The following NEK11 variants were observed in gnomAD, a reference collection of about 807,000 sequenced individuals.
The protein encoded by NEK11 is serine/threonine-protein kinase Nek11.
Under a neutral mutation model 80.7 loss-of-function variants are expected in NEK11, and 72 were observed. That is an observed-to-expected ratio of 0.89 (90% CI 0.74 to 1.08). The LOEUF is 1.08. Ranked by LOEUF, NEK11 falls within the 50% of genes least tolerant of loss-of-function variation. The pLI, the probability that NEK11 is intolerant of heterozygous loss-of-function variation, is 0.00. For missense variants in NEK11, 764 were observed against 763.6 expected, an observed-to-expected ratio of 1.00 and a Z score of -0.01; for synonymous variants, 251 against 260.7, an observed-to-expected ratio of 0.96 and a Z score of 0.36.
chr3:131,155,289 AC>A (rs2090456940), intron 10 of NEK11, among the ~76,000 whole-genome samples, 168 bp downstream of exon 10: 1 of 152,208 alleles, frequency 6.6e-6, no homozygotes, highest in Admixed American at 6.5e-5. Flanking sequence ...AAAGCCCTTT[AC>A]CCCAGGTGGT....
chr3:131,309,996 A>T (rs1421271823), intron 17 of NEK11, among the ~76,000 whole-genome samples: 2 of 107,732 alleles, frequency 1.9e-5, no homozygotes, highest in African/African-American at 1.0e-4. Flanking sequence ...TTAAAAAAAA[A>T]AAAAAAAAAA....
At position 131,205,566 on chromosome 3, in the gene NEK11, G is replaced by A. The variant is rs138859897; in HGVS notation, c.1400-22962G>A. 3.4e-3 allele frequency among the ~76,000 whole-genome samples: 523 copies of A among 152,140 alleles called. 2 individuals carry two copies. The highest frequency in any genetic ancestry group is 0.011 in the African/African-American group (476 of 41,492). On this transcript the variant is annotated intron_variant, in intron 14 of 17. Transcript: ENST00000383366. ...GCTACTCTCAAGCTGCCAGAGCTCCGTCTGTCTATACTCAGACAGCCAGAA... is the reference window on the plus strand; with the variant it reads ...GCTACTCTCAAGCTGCCAGAGCTCCATCTGTCTATACTCAGACAGCCAGAA...
At chr3:131,033,051 C>A (rs1308412871) in intron 3 of NEK11, among the ~76,000 whole-genome samples, 2 of 152,122 alleles carry the variant, frequency 1.3e-5, no homozygotes, top group East Asian at 3.8e-4. Flanking sequence ...GAGATTGTAA[C>A]AATTCTGTTG....
At position 131,140,651 on chromosome 3, in the gene NEK11, A is replaced by G. The variant is rs77295466; in HGVS notation, c.647+6695A>G. Among the ~76,000 whole-genome samples the G allele has an allele frequency of 4.8e-3, 738 of 152,260 alleles. 4 individuals are homozygous for G. Among genetic ancestry groups the G allele is most frequent in the African/African-American group, 0.016 (656 of 41,552 alleles). ...CTCTAATCTAGGCCTCCGTATGACA[A>G]TCTGGCAGTGTTTGTTTTCTTTATG... On this transcript the variant is annotated intron_variant, in intron 7 of 17. Coordinates refer to ENST00000383366, the MANE Select transcript of NEK11 (RefSeq NM_024800.5).
intron 7 of NEK11, among the ~76,000 whole-genome samples, chr3:131,150,931 A>G (rs1383974482): frequency 6.6e-6 from 1 of 151,864 alleles, no homozygotes; most frequent in Non-Finnish European, 1.5e-5. Context: ...TTTCCTCTTA[A>G]TTTGAAGGAC....
chr3:131,126,065 C>T (rs1044958292), intron 5 of NEK11, among the ~76,000 whole-genome samples: 5 of 152,180 alleles, frequency 3.3e-5, no homozygotes, highest in South Asian at 4.1e-4. Context: ...AGACTGGGTT[C>T]TCCTATTTAA....
chr3:131,040,442 G>A (rs2066307699), intron 3 of NEK11, among the ~76,000 whole-genome samples: 1 of 152,040 alleles, frequency 6.6e-6, no homozygotes, highest in African/African-American at 2.4e-5. Context: ...TCAAAATTTG[G>A]CAAATTATAC....
chr3:131,277,391 A>G (rs1428985633), intron 17 of NEK11, among the ~76,000 whole-genome samples: 7 of 152,220 alleles, frequency 4.6e-5, no homozygotes, highest in Admixed American at 2.6e-4. Context: ...AGGATTTCCA[A>G]AACTGAACTC....
chr3:131,261,530 G>T (rs371937530), intron 16 of NEK11, among the ~76,000 whole-genome samples: 2 of 152,158 alleles, frequency 1.3e-5, no homozygotes, highest in South Asian at 4.1e-4. Flanking sequence ...ATCACAGAAT[G>T]TTAGAATTGA....
chr3:131,336,081 C>A (rs1407833156), intron 17 of NEK11, among the ~76,000 whole-genome samples: 1 of 152,224 alleles, frequency 6.6e-6, no homozygotes, highest in Non-Finnish European at 1.5e-5. Flanking sequence ...CCCCATCAAG[C>A]TACCAATGAC....
At chr3:131,047,931 C>G (rs916783277) in intron 3 of NEK11, among the ~76,000 whole-genome samples, 1 of 152,072 alleles carries the variant, frequency 6.6e-6, no homozygotes, top group African/African-American at 2.4e-5. Context: ...AGCTCAGACT[C>G]TTCTTGGGTG....
At chr3:131,048,826 G>T (rs2109947487) in intron 3 of NEK11, among the ~76,000 whole-genome samples, 1 of 152,290 alleles carries the variant, frequency 6.6e-6, no homozygotes, top group Non-Finnish European at 1.5e-5. Flanking sequence ...TCTTTTTCTA[G>T]TGTCCTGGCT....
At chr3:131,303,701 A>C (rs765359897) in intron 17 of NEK11, among the ~76,000 whole-genome samples, 23 of 152,104 alleles carry the variant, frequency 1.5e-4, no homozygotes, top group Non-Finnish European at 2.8e-4. Flanking sequence ...GGCTTGTAGA[A>C]TTTCTGTTGA....
rs1404861373 is a variant in NEK11 at position 131,253,689 on chromosome 3, C to G, written c.1621+10193C>G. On this transcript the variant is annotated intron_variant, in intron 16 of 17. Coordinates refer to ENST00000383366, the MANE Select transcript of NEK11 (RefSeq NM_024800.5). ...ATTACAGAATACTGTGATGAGTACA[C>G]CATACACTGTGAATAAGGCAAATGT... Among the ~76,000 whole-genome samples, 3 of 152,136 alleles carry G rather than the reference C, an allele frequency of 2.0e-5. No individual in the cohort carries two copies. In the East Asian group the frequency reaches 5.8e-4, roughly 29 times the overall value.
At chr3:131,082,869 A>T (rs2075470874) in intron 4 of NEK11, among the ~76,000 whole-genome samples, 1 of 152,178 alleles carries the variant, frequency 6.6e-6, no homozygotes, top group Non-Finnish European at 1.5e-5. Context: ...TTCAGACATG[A>T]TGCTCCTTTG....
chr3:131,228,496 G>A, intron 14 of NEK11, 32 bp from the exon 15 acceptor site: 1 of 1,562,294 alleles, frequency 6.4e-7, no homozygotes. Flanking sequence ...TTTAATAACT[G>A]GTAGTATCTG....
At chr3:131,153,608 A>T (rs1015511641) in intron 9 of NEK11, among the ~76,000 whole-genome samples, 1 of 152,136 alleles carries the variant, frequency 6.6e-6, no homozygotes, top group African/African-American at 2.4e-5. Context: ...ATGGTCATCC[A>T]CTTTAAAAAC....
At chr3:131,131,201 T>TG (rs2084410749) in intron 5 of NEK11, among the ~76,000 whole-genome samples, 1 of 152,164 alleles carries the variant, frequency 6.6e-6, no homozygotes, top group Non-Finnish European at 1.5e-5. Context: ...GTAATGTCTT[T>TG]GTTTGGTTTT....
intron 15 of NEK11, among the ~76,000 whole-genome samples, chr3:131,229,029 G>T (rs1292117425): frequency 1.3e-5 from 2 of 152,120 alleles, no homozygotes; most frequent in African/African-American, 4.8e-5. Flanking sequence ...CAGAGAGAAT[G>T]GCACTTTTTA....
Sources: allele counts gnomAD v4.1 joint callset (sites outside exome capture counted in the v4.1 genomes callset), GRCh38; gene constraint gnomAD v4.1.1; transcripts MANE v1.5; gene names NCBI Gene and HGNC (gene_info 2026-07-23, HGNC 2026-07-21).